The following LRRC7 variants were observed in gnomAD, a reference collection of about 807,000 sequenced individuals.
LRRC7 encodes leucine rich repeat containing 7.
In LRRC7, 23 loss-of-function variants were observed where a neutral mutation model predicts 175.7. The ratio of observed to expected loss-of-function variants is 0.13; its 90% confidence interval spans 0.09 to 0.19. LRRC7 has a LOEUF of 0.19. Among genes scored for constraint, LRRC7 ranks in the 10% least tolerant of loss-of-function variants. The probability of loss-of-function intolerance (pLI) is 1.00; values close to 1 mark genes in which losing one functional copy is unlikely to be tolerated. For synonymous variants in LRRC7, 685 were observed against 680.9 expected (o/e 1.01, Z -0.09); for missense variants, 1,354 against 1,904.7 (o/e 0.71, Z 5.38).
At chr1:69,969,733 G>A (rs960008253) in intron 8 of LRRC7, among the ~76,000 whole-genome samples, 6 of 152,152 alleles carry the variant, frequency 3.9e-5, no homozygotes, top group Admixed American at 1.3e-4. Context: ...AAGACAGAAA[G>A]TCAACAAAGA....
intron 7 of LRRC7, among the ~76,000 whole-genome samples, chr1:69,911,042 C>G (rs1415699990): frequency 6.6e-6 from 1 of 152,174 alleles, no homozygotes; most frequent in Non-Finnish European, 1.5e-5. Context: ...TTTTTTAAGC[C>G]CGTTGGAAAA....
intron 7 of LRRC7, among the ~76,000 whole-genome samples, chr1:69,909,063 G>C (rs1646426650): frequency 6.6e-6 from 1 of 151,596 alleles, no homozygotes; most frequent in African/African-American, 2.4e-5. Context: ...TTGGTTTAAA[G>C]TCTGTTTTAT....
At chr1:69,942,727 C>G (rs1208188419) in intron 8 of LRRC7, among the ~76,000 whole-genome samples, 1 of 152,070 alleles carries the variant, frequency 6.6e-6, no homozygotes, top group Non-Finnish European at 1.5e-5. Flanking sequence ...TGGGCCCCCT[C>G]AGATAATCCA....
rs776809745 is a variant in LRRC7 at position 70,076,344 on chromosome 1, G to T, written c.4452+46G>T. Reference sequence around the variant, plus strand: ...ACTGAAAAATCTTCAGGTAAGAAAAGTCCAAAGAATCCATGGTTGGCCTTC... The same window carrying T: ...ACTGAAAAATCTTCAGGTAAGAAAATTCCAAAGAATCCATGGTTGGCCTTC... On this transcript the variant is annotated intron_variant, in intron 24 of 26. Coordinates refer to ENST00000651989, the MANE Select transcript of LRRC7 (RefSeq NM_001370785.2). 5 of 1,572,408 alleles carry T rather than the reference G, an allele frequency of 3.2e-6. No homozygotes were observed. The Admixed American group carries it at 8.5e-5, about 27-fold the overall frequency.
chr1:70,085,473 A>G (rs889987986), intron 24 of LRRC7, among the ~76,000 whole-genome samples: 3 of 152,144 alleles, frequency 2.0e-5, no homozygotes, highest in Admixed American at 1.3e-4. Context: ...TCTCTATTCT[A>G]TTAAACTGAT....
In LRRC7 at chr1:69,884,482, C is replaced by T. The variant is rs1267952585; in HGVS notation, c.647+46199C>T. Among the ~76,000 whole-genome samples the T allele has an allele frequency of 2.3e-5, 3 of 131,720 alleles. 1 individual carries two copies. The highest frequency in any genetic ancestry group is 6.5e-5 in the African/African-American group (2 of 30,878). The allele number at this position is 131,720 out of a possible 152,430, so 86.4% of individuals were successfully genotyped here. The stretch of plus-strand genomic sequence containing the variant: ...ATTGATTTTGTATCCTGAGACTTTG[C>T]TGAAGTTGCTTATCACCTTAAGGCG... On this transcript the variant is annotated intron_variant, in intron 7 of 26. Coordinates refer to ENST00000651989, the MANE Select transcript of LRRC7 (RefSeq NM_001370785.2).
chr1:70,078,398 T>C (rs896963946), intron 24 of LRRC7, among the ~76,000 whole-genome samples: 4 of 152,120 alleles, frequency 2.6e-5, no homozygotes, highest in Admixed American at 2.6e-4. Context: ...GCACCTTCAA[T>C]GACATCATAT....
At chr1:69,653,628 A>G (rs1009675110) in intron 1 of LRRC7, among the ~76,000 whole-genome samples, 22 of 152,168 alleles carry the variant, frequency 1.4e-4, no homozygotes, top group African/African-American at 4.8e-4. Flanking sequence ...GAACTACCAT[A>G]TAATCCAGCA....
At position 69,671,284 on chromosome 1, in the gene LRRC7, A is replaced by C. The variant is rs75215957; in HGVS notation, c.3-7097A>C. Among the ~76,000 whole-genome samples the C allele has an allele frequency of 7.6e-3, 1,164 of 152,184 alleles. 12 individuals carry two copies. The highest frequency in any genetic ancestry group is 0.026 in the African/African-American group (1,100 of 41,530). ...TCTTGCCTAGGGTGTGTCTAGTAGT[A>C]TCATGTAGGAAGTAGGGCCTGGAAA... On this transcript the variant is annotated intron_variant, in intron 1 of 26. Coordinates refer to ENST00000651989, the MANE Select transcript of LRRC7 (RefSeq NM_001370785.2).
intron 7 of LRRC7, among the ~76,000 whole-genome samples, chr1:69,848,699 G>A (rs183207611): frequency 6.6e-6 from 1 of 151,954 alleles, no homozygotes; most frequent in Non-Finnish European, 1.5e-5. Flanking sequence ...CTTTCAATAT[G>A]CAAAATACAT....
chr1:70,079,400 T>A (rs1296008182), intron 24 of LRRC7, among the ~76,000 whole-genome samples: 2 of 147,340 alleles, frequency 1.4e-5, no homozygotes, highest in South Asian at 2.2e-4. Flanking sequence ...TTTGGTCAGG[T>A]ACAATATGGA....
intron 1 of LRRC7, among the ~76,000 whole-genome samples, chr1:69,675,729 G>C (rs889861043): frequency 1.3e-5 from 2 of 151,946 alleles, no homozygotes; most frequent in Non-Finnish European, 2.9e-5. Flanking sequence ...AATTTAGTTC[G>C]CATAGCTAAT....
At chr1:69,816,558 A>G (rs192221022) in intron 4 of LRRC7, among the ~76,000 whole-genome samples, 37 of 152,286 alleles carry the variant, frequency 2.4e-4, no homozygotes, top group African/African-American at 8.4e-4. Context: ...TGTCCCAGTG[A>G]AAAAGGTGTT....
chr1:70,038,286 A>C lies in LRRC7; in HGVS notation c.2462A>C (p.Glu821Ala). Residue 821 changes from glutamate (E) to alanine (A), a missense_variant, in exon 21 of 27, where the codon GAA becomes GCA. By Grantham distance (107) the Glu-to-Ala change is moderately radical. This residue lies in a region of LRRC7 where 1,032 missense variants were observed against 1,227.2 expected (regional missense o/e 0.84). Coordinates refer to ENST00000651989, the MANE Select transcript of LRRC7 (RefSeq NM_001370785.2). ...HYDNTGFVAEETTAENANSNP... is the reference protein window; with the variant it reads ...HYDNTGFVAEATTAENANSNP... ...GACAACACAGGGTTTGTTGCTGAGGAAACCACAGCCGAGAATGCCAACAGT... is the reference window on the plus strand; with the variant it reads ...GACAACACAGGGTTTGTTGCTGAGGCAACCACAGCCGAGAATGCCAACAGT... 6.2e-7 allele frequency: 1 copy of C among 1,614,146 alleles called. No homozygotes were observed. The highest frequency in any genetic ancestry group is 8.5e-7 in the Non-Finnish European group (1 of 1,180,008).
intron 5 of LRRC7, among the ~76,000 whole-genome samples, chr1:69,832,793 T>C (rs2101309335): frequency 6.6e-6 from 1 of 152,220 alleles, no homozygotes; most frequent in East Asian, 1.9e-4. Flanking sequence ...ATATTTATAA[T>C]AGCAAAATGA....
chr1:69,714,504 A>G (rs568250314), intron 2 of LRRC7, among the ~76,000 whole-genome samples: 1 of 152,334 alleles, frequency 6.6e-6, no homozygotes, highest in African/African-American at 2.4e-5. Flanking sequence ...GAAATATTAC[A>G]TACAATTGAA....
intron 13 of LRRC7, among the ~76,000 whole-genome samples, chr1:70,015,848 C>A (rs1470457385): frequency 6.6e-6 from 1 of 152,090 alleles, no homozygotes; most frequent in African/African-American, 2.4e-5. Flanking sequence ...GGAGCTGTAC[C>A]TTCCTTTAGT....
intron 2 of LRRC7, among the ~76,000 whole-genome samples, chr1:69,714,782 T>C (rs1279461687): frequency 6.6e-6 from 1 of 151,606 alleles, no homozygotes; most frequent in African/African-American, 2.4e-5. Context: ...GAATCTGATG[T>C]TTTTTTTAAT....
chr1:70,096,364 A>T (rs1455351778), intron 25 of LRRC7, among the ~76,000 whole-genome samples: 1 of 152,228 alleles, frequency 6.6e-6, no homozygotes, highest in Non-Finnish European at 1.5e-5. Flanking sequence ...TACAGTGGAA[A>T]AGAGAACTGC....
Sources: allele counts gnomAD v4.1 joint callset (sites outside exome capture counted in the v4.1 genomes callset), GRCh38; gene constraint gnomAD v4.1.1; regional missense constraint gnomAD v4.1.1; transcripts MANE v1.5; gene names NCBI Gene and HGNC (gene_info 2026-07-23, HGNC 2026-07-21).